The following DSC1 variants were observed in gnomAD, a reference collection of about 807,000 sequenced individuals.
DSC1 encodes desmocollin 1, also known as desmocollin-1.
In DSC1, 79 loss-of-function variants were observed where a neutral mutation model predicts 98.8. The ratio of observed to expected loss-of-function variants is 0.80; its 90% confidence interval spans 0.67 to 0.96. The LOEUF is 0.96. Ranked by LOEUF, DSC1 falls within the 50% of genes least tolerant of loss-of-function variation. The pLI is 0.00. For synonymous variants in DSC1, 405 were observed against 372.1 expected (o/e 1.09, Z -1.02); for missense variants, 1,115 against 1,075.9 (o/e 1.04, Z -0.51).
intron 5 of DSC1, among the ~76,000 whole-genome samples, chr18:31,150,294 CTA>C (rs1988952618): frequency 1.1e-5 from 1 of 87,462 alleles, no homozygotes; most frequent in Non-Finnish European, 2.4e-5. Flanking sequence ...ACCACCACCA[CTA>C]CCATCATCAC....
chr18:31,150,198 T>C (rs140994671), intron 5 of DSC1, among the ~76,000 whole-genome samples: 18,238 of 110,784 alleles, frequency 0.16, 1,933 homozygotes, highest in East Asian at 0.51. Context: ...ACCATCATCA[T>C]CACCACCACC....
At chr18:31,149,637 T>C (rs1001139724) in intron 5 of DSC1, among the ~76,000 whole-genome samples, 5 of 152,216 alleles carry the variant, frequency 3.3e-5, no homozygotes, top group African/African-American at 1.2e-4. Flanking sequence ...AAGTCAGATT[T>C]TATTGTGCTT....
rs544213070 is a variant in DSC1, at chr18:31,157,296, G to T, written c.351+75C>A. On this transcript the variant is annotated intron_variant, in intron 3 of 15. Transcript: ENST00000257198. ...TAGCATAGATTTTAACATGAAACAC[G>T]TTAAAACACATGAAACACGAAGGAC... 2.7e-6 allele frequency: 4 copies of T among 1,455,496 alleles called. 1 individual carries two copies. The African/African-American group carries it at 4.2e-5, about 15-fold the overall frequency. 90.2% of individuals were successfully genotyped at this position (1,455,496 alleles called of 1,614,324 possible). A position where few individuals can be genotyped will look rare whatever the true frequency, so the allele number is the denominator to read the frequency against.
intron 11 of DSC1, among the ~76,000 whole-genome samples, chr18:31,138,507 T>C (rs894150417): frequency 3.3e-5 from 5 of 151,988 alleles, no homozygotes; most frequent in Admixed American, 2.0e-4. Context: ...TAGAACTTAA[T>C]AGACAAACCA....
chr18:31,140,387 AT>A, intron 9 of DSC1, 86 bp from the exon 10 acceptor site: 3 of 1,352,158 alleles, frequency 2.2e-6, no homozygotes, highest in Non-Finnish European at 3.0e-6. Flanking sequence ...AAGGAATATC[AT>A]TTTTACATTT....
At chr18:31,140,931 T>G (rs2065748132) in intron 9 of DSC1, among the ~76,000 whole-genome samples, 1 of 152,174 alleles carries the variant, frequency 6.6e-6, no homozygotes, top group South Asian at 2.1e-4. Context: ...GTCTTTCCTG[T>G]GCTATTCTCG....
intron 11 of DSC1, among the ~76,000 whole-genome samples, chr18:31,136,693 T>A (rs978908056): frequency 6.6e-6 from 1 of 152,210 alleles, no homozygotes; most frequent in Non-Finnish European, 1.5e-5. Flanking sequence ...CTAAAAAATA[T>A]ATGTTGCAAA....
intron 5 of DSC1, among the ~76,000 whole-genome samples, chr18:31,152,591 A>C (rs751702226): frequency 1.3e-5 from 2 of 152,172 alleles, no homozygotes; most frequent in Admixed American, 6.5e-5. Flanking sequence ...TACAGTTTAC[A>C]TAGTGGTATC....
chr18:31,132,737 G>T, intron 13 of DSC1, 48 bp from the exon 14 acceptor site: 1 of 1,535,722 alleles, frequency 6.5e-7, no homozygotes, highest in Non-Finnish European at 8.8e-7. Context: ...TAAATCATTT[G>T]ATTACATGAT....
intron 5 of DSC1, among the ~76,000 whole-genome samples, chr18:31,150,352 C>T (rs1988961778): frequency 1.1e-5 from 1 of 87,014 alleles, no homozygotes; most frequent in Non-Finnish European, 2.3e-5. Flanking sequence ...TCACCACCAC[C>T]ACCACCATCA....
intron 8 of DSC1, among the ~76,000 whole-genome samples, chr18:31,143,126 A>C (rs2577073): frequency 0.7 from 105,812 of 151,296 alleles, 37,290 homozygotes; most frequent in East Asian, 0.8. Flanking sequence ...TGTGTACACA[A>C]ACACACACAT....
chr18:31,155,018 C>T (rs1221878483), intron 4 of DSC1, 89 bp from the exon 5 acceptor site: 3 of 1,406,000 alleles, frequency 2.1e-6, no homozygotes, highest in Middle Eastern at 1.8e-4. Flanking sequence ...TTTACCACTA[C>T]CCCTCTTTCC....
chr18:31,159,490 GA>G lies in DSC1; in HGVS notation c.102del (p.Leu35PhefsTer13). ...TLLCDACQKVYLRVPSHLQAE... is the reference protein window; with the variant it reads ...TLLCDACQKVXLRVPSHLQAE... ...GCCTGAAGATGAGAAGGAACTCGAAGATAAACTTTCTGACAAGCATCGCAAA... is the reference window on the plus strand; with the variant it reads ...GCCTGAAGATGAGAAGGAACTCGAAGTAAACTTTCTGACAAGCATCGCAAA... On this transcript the variant is annotated frameshift_variant, in exon 2 of 16. Coordinates refer to ENST00000257198, the MANE Select transcript of DSC1 (RefSeq NM_024421.2). LOFTEE classifies it high-confidence loss of function. The G allele has an allele frequency of 6.2e-7, 1 of 1,600,504 alleles. No individual in the cohort carries two copies. The highest frequency in any genetic ancestry group is 8.5e-7 in the Non-Finnish European group (1 of 1,175,468).
intron 5 of DSC1, 138 bp downstream of exon 5, chr18:31,154,636 A>C (rs1225122363): frequency 2.5e-6 from 2 of 807,864 alleles, no homozygotes; most frequent in African/African-American, 3.5e-5. Flanking sequence ...ATAGAAATTT[A>C]AAGTTTATAT....
At chr18:31,132,960 T>C (rs1161721325) in intron 13 of DSC1, among the ~76,000 whole-genome samples, 1 of 152,162 alleles carries the variant, frequency 6.6e-6, no homozygotes, top group Non-Finnish European at 1.5e-5. Context: ...CTAACTGATA[T>C]TTAAGATAGC....
At chr18:31,152,346 C>G (rs1029915800) in intron 5 of DSC1, among the ~76,000 whole-genome samples, 25 of 152,062 alleles carry the variant, frequency 1.6e-4, no homozygotes, top group Non-Finnish European at 2.9e-4. Context: ...AGAAAGTTCC[C>G]TTCTTATATA....
rs150696229 is a variant in DSC1 at position 31,155,299 on chromosome 18, T to C, written c.472-370A>G. On this transcript the variant is annotated intron_variant, in intron 4 of 15. Coordinates refer to ENST00000257198, the MANE Select transcript of DSC1 (RefSeq NM_024421.2). ...AATTATGTGATAATAAAACTAGAAG[T>C]AAAGCAACTTTTCTTCCACAATTAA... Among the ~76,000 whole-genome samples the C allele has an allele frequency of 3.9e-4, 59 of 152,318 alleles. No individual in the cohort carries two copies. The East Asian group carries it at 8.3e-3, about 21-fold the overall frequency.
chr18:31,157,697 C>G (rs1454144220), intron 2 of DSC1, 124 bp from the exon 3 acceptor site: 7 of 933,698 alleles, frequency 7.5e-6, no homozygotes, highest in Non-Finnish European at 9.9e-6. Flanking sequence ...TTGGAATGTG[C>G]TCAGCACCTG....
chr18:31,157,719 C>T (rs562550016), intron 2 of DSC1, 146 bp from the exon 3 acceptor site: 13 of 735,350 alleles, frequency 1.8e-5, no homozygotes, highest in Admixed American at 1.4e-4. Context: ...TATTCTAAAA[C>T]GTGGGGGCCA....
Sources: allele counts gnomAD v4.1 joint callset (sites outside exome capture counted in the v4.1 genomes callset), GRCh38; gene constraint gnomAD v4.1.1; transcripts MANE v1.5; gene names NCBI Gene and HGNC (gene_info 2026-07-23, HGNC 2026-07-21).